TPTE2: variants seen among roughly 807,000 people sequenced by gnomAD.
The protein encoded by TPTE2 is transmembrane phosphoinositide 3-phosphatase and tensin homolog 2.
TPTE2 carries 53 observed loss-of-function variants against 78.6 expected under a neutral mutation model. That is an observed-to-expected ratio of 0.67 (90% CI 0.54 to 0.85). The LOEUF is 0.85. Among genes scored for constraint, TPTE2 ranks in the 40% least tolerant of loss-of-function variants. The probability of loss-of-function intolerance (pLI) is 0.00; values close to 1 mark genes in which losing one functional copy is unlikely to be tolerated. For missense variants in TPTE2, 461 were observed against 623.0 expected, an observed-to-expected ratio of 0.74 and a Z score of 2.77; for synonymous variants, 175 against 206.2, an observed-to-expected ratio of 0.85 and a Z score of 1.30.
chr13:19,493,316 TGTGGATGG>T, intron 2 of TPTE2, 124 bp downstream of exon 5: 1 of 514,812 alleles, frequency 1.9e-6, no homozygotes, highest in Non-Finnish European at 3.3e-6. Context: ...TGAAGAGAAG[TGTGGATGG>T]ATGGATGGAT....
intron 10 of TPTE2, among the ~76,000 whole-genome samples, chr13:19,457,486 C>A (rs1428131014): frequency 1.3e-5 from 2 of 152,134 alleles, no homozygotes; most frequent in Non-Finnish European, 2.9e-5. Context: ...TTAAGCCCAG[C>A]ATCCATTAGC....
chr13:19,432,495 T>C, exon 16 of TPTE2: 1 of 1,604,150 alleles, frequency 6.2e-7, no homozygotes, highest in South Asian at 1.1e-5. Context: ...AAATAATGAA[T>C]CTTTTTATAA....
intron 1 of TPTE2, among the ~76,000 whole-genome samples, chr13:19,528,097 C>A (rs992055520): frequency 2.6e-5 from 4 of 151,850 alleles, no homozygotes; most frequent in Non-Finnish European, 5.9e-5. Context: ...AAGTACCTTT[C>A]TTGGCCGGGT....
intron 5 of TPTE2, among the ~76,000 whole-genome samples, chr13:19,474,631 A>G (rs1879827488): frequency 6.6e-6 from 1 of 152,228 alleles, no homozygotes; most frequent in Non-Finnish European, 1.5e-5. Flanking sequence ...TGATGGGCAC[A>G]TGAGTCTTGA....
intron 15 of TPTE2, 116 bp downstream of exon 18, chr13:19,436,110 C>A: frequency 1.2e-6 from 1 of 832,014 alleles, no homozygotes; most frequent in Non-Finnish European, 1.8e-6. Context: ...TTGCAGGGCA[C>A]CCAACTGCTG....
At position 19,465,238 on chromosome 13, in the gene TPTE2, C is replaced by T; in HGVS notation, c.676+17G>A. 6.2e-7 allele frequency: 1 copy of T among 1,613,648 alleles called. No homozygotes were observed. Among genetic ancestry groups the T allele is most frequent in the Non-Finnish European group, 8.5e-7 (1 of 1,179,738 alleles). ...AGTGAAGTAATACAAGTAAATCAAC[C>T]ATTAAGTGTCACAAACCTGTAACGT... On this transcript the variant is annotated intron_variant, in intron 9 of 19. Transcript: ENST00000400230.
At chr13:19,460,527 T>G (rs1165740878) in intron 10 of TPTE2, among the ~76,000 whole-genome samples, 1 of 152,168 alleles carries the variant, frequency 6.6e-6, no homozygotes, top group Non-Finnish European at 1.5e-5. Flanking sequence ...TAAACATTTC[T>G]TTTTTAGCCC....
In TPTE2 at chr13:19,443,737, TACACACAC is replaced by T. The variant is rs373060672; in HGVS notation, c.974-5592_974-5585del. ...TTCTTAATCGATAAATGGTAGCTAA[TACACACAC>T]ACACACACACACACACACACACACA... On this transcript the variant is annotated intron_variant, in intron 13 of 19. Transcript: ENST00000400230. Among the ~76,000 whole-genome samples, 115 of 129,862 alleles carry T rather than the reference TACACACAC, an allele frequency of 8.9e-4. 1 individual carries two copies. Among genetic ancestry groups the T allele is most frequent in the African/African-American group, 2.4e-3 (75 of 31,518 alleles). 85.2% of individuals were successfully genotyped at this position (129,862 alleles called of 152,430 possible). A position where few individuals can be genotyped will look rare whatever the true frequency, so the allele number is the denominator to read the frequency against.
chr13:19,434,869 G>A (rs1876955893), intron 15 of TPTE2, among the ~76,000 whole-genome samples: 2 of 152,196 alleles, frequency 1.3e-5, no homozygotes, highest in Non-Finnish European at 2.9e-5. Context: ...GGGCTTCAGA[G>A]ACTGACATCT....
chr13:19,488,380 C>A (rs1200302851), intron 3 of TPTE2, among the ~76,000 whole-genome samples: 1 of 152,242 alleles, frequency 6.6e-6, no homozygotes, highest in Non-Finnish European at 1.5e-5. Flanking sequence ...GACTTCTCCT[C>A]TCTAAATATA....
intron 1 of TPTE2, among the ~76,000 whole-genome samples, chr13:19,531,489 T>G (rs980894137): frequency 3.9e-5 from 6 of 152,166 alleles, no homozygotes; most frequent in African/African-American, 1.4e-4. Context: ...TTAAGTCATT[T>G]ATCTTTTTTC....
At chr13:19,518,529 A>T (rs1308778481) in intron 1 of TPTE2, among the ~76,000 whole-genome samples, 1 of 152,252 alleles carries the variant, frequency 6.6e-6, no homozygotes, top group African/African-American at 2.4e-5. Context: ...TAGCTGTTAG[A>T]GAAATGCAGA....
At chr13:19,448,888 A>G (rs963924132) in intron 13 of TPTE2, among the ~76,000 whole-genome samples, 4 of 152,228 alleles carry the variant, frequency 2.6e-5, no homozygotes, top group African/African-American at 9.6e-5. Context: ...TATGGAGTCA[A>G]TCTAAATGTC....
chr13:19,427,120 T>C (rs1876180807), intron 17 of TPTE2, among the ~76,000 whole-genome samples: 1 of 132,160 alleles, frequency 7.6e-6, no homozygotes, highest in Non-Finnish European at 1.6e-5. Context: ...AGTCTCACTC[T>C]GTCACCAGGC....
intron 1 of TPTE2, among the ~76,000 whole-genome samples, chr13:19,513,649 A>G (rs1393126030): frequency 1.3e-5 from 2 of 152,174 alleles, no homozygotes; most frequent in African/African-American, 4.8e-5. Context: ...TCTCATGTAA[A>G]TCTATTATTT....
the TPTE2 span, among the ~76,000 whole-genome samples, chr13:19,555,310 T>C: frequency 3.3e-5 from 5 of 152,156 alleles, no homozygotes; most frequent in South Asian, 1.0e-3. Context: ...GTATCCTCTG[T>C]AGCAGTGGTA....
At chr13:19,480,009 A>T (rs547065022) in intron 4 of TPTE2, among the ~76,000 whole-genome samples, 7 of 152,228 alleles carry the variant, frequency 4.6e-5, no homozygotes, top group South Asian at 4.2e-4. Flanking sequence ...TAAACCTTAA[A>T]ACACTAAAAG....
chr13:19,547,220 G>C, the TPTE2 span, among the ~76,000 whole-genome samples: 1 of 152,202 alleles, frequency 6.6e-6, no homozygotes. Flanking sequence ...ATTCTGGGAG[G>C]CTGAGGCGGG....
intron 3 of TPTE2, among the ~76,000 whole-genome samples, chr13:19,483,500 CT>C (rs915786543): frequency 6.6e-5 from 10 of 152,122 alleles, no homozygotes; most frequent in Admixed American, 4.6e-4. Flanking sequence ...CATGAGGTCT[CT>C]TTTTTTGTTT....
Sources: gnomAD v4.1 joint callset for allele counts (sites outside exome capture counted in the v4.1 genomes callset) on GRCh38, gnomAD v4.1.1 for gene constraint, MANE v1.5 for transcripts, NCBI Gene and HGNC (gene_info 2026-07-23, HGNC 2026-07-21) for gene names.